The following ASTN1 variants were observed in gnomAD, a reference collection of about 807,000 sequenced individuals.
The protein encoded by ASTN1 is astrotactin-1.
ASTN1 carries 41 observed loss-of-function variants against 140.7 expected under a neutral mutation model. The ratio of observed to expected loss-of-function variants is 0.29; its 90% CI spans 0.23 to 0.38. The LOEUF (loss-of-function observed/expected upper bound fraction) is 0.38, where lower values mean the gene tolerates loss of function less well. Among genes scored for constraint, ASTN1 ranks in the 10% least tolerant of loss-of-function variants. The pLI is 1.00. For missense variants in ASTN1, 1,479 were observed against 1,678.8 expected (o/e 0.88, Z 2.08); for synonymous variants, 640 against 652.2 (o/e 0.98, Z 0.29).
intron 1 of ASTN1, among the ~76,000 whole-genome samples, chr1:177,097,720 A>G (rs1367335563): frequency 6.6e-6 from 1 of 152,110 alleles, no homozygotes; most frequent in South Asian, 2.1e-4. Context: ...AGAGTAACCA[A>G]ATTGGTGATT....
chr1:176,920,523 C>A (rs1230577112), intron 16 of ASTN1, among the ~76,000 whole-genome samples: 5 of 152,216 alleles, frequency 3.3e-5, no homozygotes, highest in Non-Finnish European at 7.3e-5. Flanking sequence ...TTCGGGGTCC[C>A]TCTGAGGGCA....
intron 1 of ASTN1, among the ~76,000 whole-genome samples, chr1:177,102,202 A>AT (rs1680334095): frequency 6.6e-6 from 1 of 152,238 alleles, no homozygotes; most frequent in African/African-American, 2.4e-5. Flanking sequence ...TCAAGGTTAA[A>AT]TAAGGGGAGG....
At chr1:177,033,870 G>A (rs914921813) in intron 2 of ASTN1, among the ~76,000 whole-genome samples, 3 of 152,136 alleles carry the variant, frequency 2.0e-5, no homozygotes, top group African/African-American at 7.2e-5. Flanking sequence ...GCAGCATTTA[G>A]AGGGACAGCC....
chr1:177,097,201 C>G (rs1009033978), intron 1 of ASTN1, among the ~76,000 whole-genome samples: 4 of 152,176 alleles, frequency 2.6e-5, no homozygotes, highest in Admixed American at 6.5e-5. Flanking sequence ...TTACTCATCA[C>G]TATCATTTAT....
At position 176,872,640 on chromosome 1, in the gene ASTN1, G is replaced by A. The variant is rs150946116; in HGVS notation, c.3464-3613C>T. On this transcript the variant is annotated intron_variant, in intron 21 of 22. Transcript: ENST00000361833. ...GCTTCCCATTCCAATCCCAGGCAGA[G>A]TACAGTGCCCTATTTTGATGACCAG... Among the ~76,000 whole-genome samples the A allele has an allele frequency of 3.9e-4, 60 of 152,232 alleles. 1 individual carries two copies. The highest frequency in any genetic ancestry group is 6.8e-3 in the Middle Eastern group (2 of 294).
chr1:177,055,967 G>C (rs562676510), intron 2 of ASTN1, among the ~76,000 whole-genome samples: 1 of 152,322 alleles, frequency 6.6e-6, no homozygotes, highest in African/African-American at 2.4e-5. Context: ...ATGACACACA[G>C]TGACTGCCAC....
At chr1:177,028,442 G>A (rs1457571125) in intron 5 of ASTN1, among the ~76,000 whole-genome samples, 1 of 152,206 alleles carries the variant, frequency 6.6e-6, no homozygotes, top group African/African-American at 2.4e-5. Context: ...TAGTAGTTAA[G>A]CCTATAGAAA....
chr1:177,003,003 C>CA (rs1234779219), intron 8 of ASTN1, among the ~76,000 whole-genome samples: 1 of 151,022 alleles, frequency 6.6e-6, no homozygotes, highest in Non-Finnish European at 1.5e-5. Flanking sequence ...AACAAACAAA[C>CA]AAAAAAAGCC....
In ASTN1 at chr1:177,030,822, G is replaced by A. The variant is rs1355118872; in HGVS notation, c.996C>T (p.Ile332=). 6.2e-7 allele frequency: 1 copy of A among 1,613,992 alleles called. No individual in the cohort carries two copies. Among genetic ancestry groups the A allele is most frequent in the African/African-American group, 1.3e-5 (1 of 74,902 alleles). ...SHTSSSQRKR[I]NNKARAGSAF... is the part of the protein sequence containing the mutation. The stretch of plus-strand genomic sequence containing the variant: ...CATGCATACCTCTTGCTTTGTTGTT[G>A]ATCCGCTTTCTCTGGCTGCTGGAGG... Residue 332 remains isoleucine (I), a synonymous_variant, in exon 4 of 23, where the codon ATC becomes ATT. Transcript: ENST00000361833.
At position 176,934,168 on chromosome 1, in the gene ASTN1, A is replaced by G. The variant is rs775088089; in HGVS notation, c.2655T>C (p.Tyr885=). 2 of 1,612,504 alleles carry G rather than the reference A, an allele frequency of 1.2e-6. No homozygotes were observed. Among genetic ancestry groups the G allele is most frequent in the South Asian group, 2.2e-5 (2 of 90,994 alleles). ...GCCACTCACCTTTACTGATGTCTTC[A>G]TACTCCAGCCAGAGTCGCCGCTGGA... ...KQVQRRLWLE[Y]EDISKGNSPS... The change falls in exon 16 of 23, where the codon TAT becomes TAC. Residue 885 remains tyrosine (Y), a synonymous_variant. Transcript: ENST00000361833.
intron 21 of ASTN1, among the ~76,000 whole-genome samples, chr1:176,873,253 G>A (rs1027655906): frequency 6.6e-6 from 1 of 152,126 alleles, no homozygotes; most frequent in South Asian, 2.1e-4. Context: ...GCCTTCCCTG[G>A]ATGAAGCTTC....
At chr1:177,087,176 G>C (rs1477531169) in intron 1 of ASTN1, among the ~76,000 whole-genome samples, 1 of 152,110 alleles carries the variant, frequency 6.6e-6, no homozygotes, top group African/African-American at 2.4e-5. Context: ...GGACTCTGAA[G>C]AACATAATTT....
chr1:177,091,617 ACAAAGTTGTG>A (rs1476020576), intron 1 of ASTN1, among the ~76,000 whole-genome samples: 1 of 152,208 alleles, frequency 6.6e-6, no homozygotes, highest in Non-Finnish European at 1.5e-5. Context: ...TAAAATATTC[ACAAAGTTGTG>A]CAACTATCAC....
Position 176,937,245 on chromosome 1 carries a change from A to G in ASTN1, c.2378-875T>C, listed in dbSNP as rs192616914. Reference sequence around the variant, plus strand: ...ATTTGTGTTCAGTATTTAAGTTTCAATTTCTCTCAGGCAGATAATGCTTAT... The same window carrying G: ...ATTTGTGTTCAGTATTTAAGTTTCAGTTTCTCTCAGGCAGATAATGCTTAT... On this transcript the variant is annotated intron_variant, in intron 14 of 22. Coordinates refer to ENST00000361833, the MANE Select transcript of ASTN1 (RefSeq NM_004319.3). Among the ~76,000 whole-genome samples, 765 of 152,144 alleles carry G rather than the reference A, an allele frequency of 5.0e-3. 5 individuals carry two copies. Among genetic ancestry groups the G allele is most frequent in the African/African-American group, 0.018 (730 of 41,540 alleles).
chr1:176,909,152 G>A (rs576706573), intron 16 of ASTN1, among the ~76,000 whole-genome samples: 1 of 152,324 alleles, frequency 6.6e-6, no homozygotes, highest in East Asian at 1.9e-4. Flanking sequence ...GTGCTGGCAG[G>A]AGGGAGCAGA....
intron 2 of ASTN1, among the ~76,000 whole-genome samples, chr1:177,042,748 AC>A (rs1307327444): frequency 1.3e-5 from 2 of 152,236 alleles, no homozygotes; most frequent in African/African-American, 4.8e-5. Flanking sequence ...CTAATACTCA[AC>A]CACTGACATT....
intron 2 of ASTN1, among the ~76,000 whole-genome samples, chr1:177,048,678 C>T (rs1677373697): frequency 6.6e-6 from 1 of 152,202 alleles, no homozygotes; most frequent in African/African-American, 2.4e-5. Flanking sequence ...GAAGGCTCTT[C>T]CCATGGCTTG....
intron 1 of ASTN1, among the ~76,000 whole-genome samples, chr1:177,119,515 G>GCT (rs1376212390): frequency 1.3e-5 from 2 of 149,144 alleles, no homozygotes; most frequent in Non-Finnish European, 3.0e-5. Context: ...GATGGAGGAG[G>GCT]CTCTGGCTAA....
chr1:177,070,734 G>A (rs950866621), intron 1 of ASTN1, among the ~76,000 whole-genome samples: 4 of 152,142 alleles, frequency 2.6e-5, no homozygotes, highest in East Asian at 1.9e-4. Flanking sequence ...AGTTCACCCC[G>A]TGAGTAAATA....
Sources: allele counts gnomAD v4.1 joint callset (sites outside exome capture counted in the v4.1 genomes callset), GRCh38; gene constraint gnomAD v4.1.1; transcripts MANE v1.5; gene names NCBI Gene and HGNC (gene_info 2026-07-23, HGNC 2026-07-21).